The following NKAIN2 variants were observed in gnomAD, a reference collection of about 807,000 sequenced individuals.
The protein encoded by NKAIN2 is sodium/potassium transporting ATPase interacting 2.
NKAIN2 carries 14 observed loss-of-function variants against 32.6 expected under a neutral mutation model. The observed-to-expected ratio is 0.43, with a 90% confidence interval of 0.28 to 0.67. NKAIN2 has a LOEUF of 0.67. NKAIN2 is among the 30% of genes least tolerant of loss of function. The pLI is 0.17. For missense variants in NKAIN2, 198 were observed against 258.3 expected (o/e 0.77, Z 1.60); for synonymous variants, 80 against 87.2 (o/e 0.92, Z 0.46).
intron 1 of NKAIN2, among the ~76,000 whole-genome samples, chr6:123,980,742 A>G (rs981876136): frequency 6.6e-6 from 1 of 152,212 alleles, no homozygotes; most frequent in Non-Finnish European, 1.5e-5. Context: ...GATACTTAGT[A>G]GATACTTGTT....
At chr6:124,203,221 A>G (rs1342664099) in intron 1 of NKAIN2, among the ~76,000 whole-genome samples, 2 of 151,880 alleles carry the variant, frequency 1.3e-5, no homozygotes, top group African/African-American at 2.4e-5. Flanking sequence ...GTGCTAGAAC[A>G]TTATTTGTCA....
chr6:123,971,613 T>C (rs1017042640), intron 1 of NKAIN2, among the ~76,000 whole-genome samples: 1 of 152,132 alleles, frequency 6.6e-6, no homozygotes, highest in East Asian at 1.9e-4. Context: ...TAAAGTTATC[T>C]CCCTTAGGAA....
At chr6:123,935,048 ATATATAT>A (rs995802220) in intron 1 of NKAIN2, among the ~76,000 whole-genome samples, 1 of 147,464 alleles carries the variant, frequency 6.8e-6, no homozygotes, top group African/African-American at 2.5e-5. Flanking sequence ...TATAATTGAA[ATATATAT>A]TATATATATA....
At chr6:124,740,188 G>T (rs959436120) in intron 4 of NKAIN2, among the ~76,000 whole-genome samples, 3 of 151,554 alleles carry the variant, frequency 2.0e-5, no homozygotes, top group Admixed American at 1.3e-4. Context: ...TTTAAGTATG[G>T]TATTAACTAG....
chr6:124,600,525 C>T (rs144423265), intron 3 of NKAIN2, among the ~76,000 whole-genome samples: 6 of 151,990 alleles, frequency 3.9e-5, no homozygotes, highest in African/African-American at 9.7e-5. Context: ...TTCTTATATT[C>T]GCTTCTTTAT....
chr6:124,784,669 A>T (rs899221942), intron 4 of NKAIN2, among the ~76,000 whole-genome samples: 6 of 152,258 alleles, frequency 3.9e-5, no homozygotes, highest in Middle Eastern at 3.4e-3. Context: ...GGGCGTTATG[A>T]ATAGTGATGT....
rs1216484529 is a variant in NKAIN2, at chr6:124,177,773, ATTTTTTTTT to A, written c.55-105212_55-105204del. ...GGCGCAACGGAGTTTCTGTTCATCC[ATTTTTTTTT>A]TTTTTTTTTTTTTTTTTTTGAGACG... On this transcript the variant is annotated intron_variant, in intron 1 of 6. Coordinates refer to ENST00000368417, the MANE Select transcript of NKAIN2 (RefSeq NM_001040214.3). Among the ~76,000 whole-genome samples, 3 of 22,270 alleles carry A rather than the reference ATTTTTTTTT, an allele frequency of 1.3e-4. 1 individual carries two copies. The highest frequency in any genetic ancestry group is 4.1e-4 in the African/African-American group (3 of 7,400). 14.6% of individuals were successfully genotyped at this position (22,270 alleles called of 152,430 possible).
At chr6:123,905,197 A>G (rs778466948) in intron 1 of NKAIN2, among the ~76,000 whole-genome samples, 8 of 151,946 alleles carry the variant, frequency 5.3e-5, no homozygotes, top group Admixed American at 1.3e-4. Flanking sequence ...AAGACATGAT[A>G]CTCCTAGATC....
chr6:124,575,981 C>T (rs952435532), intron 3 of NKAIN2, among the ~76,000 whole-genome samples: 1 of 152,158 alleles, frequency 6.6e-6, no homozygotes, highest in African/African-American at 2.4e-5. Flanking sequence ...TAACACAAAT[C>T]AAGACAGTGG....
chr6:124,256,391 A>G (rs1369584416), intron 1 of NKAIN2, among the ~76,000 whole-genome samples: 3 of 152,218 alleles, frequency 2.0e-5, no homozygotes, highest in Non-Finnish European at 4.4e-5. Context: ...GATCAATTTT[A>G]AATTTAAGCA....
In NKAIN2 at chr6:124,405,682, ACCTTTTTTATTAT is replaced by A. The variant is rs1232339620; in HGVS notation, c.273+50339_273+50351del. Among the ~76,000 whole-genome samples the A allele has an allele frequency of 2.0e-5, 3 of 151,920 alleles. No homozygotes were observed. In the East Asian group the frequency reaches 5.8e-4, roughly 29 times the overall value. On this transcript the variant is annotated intron_variant, in intron 3 of 6. Transcript: ENST00000368417. ...GGCGTGAGCCACCGCACCCGGCAAA[ACCTTTTTTATTAT>A]CCTAAAATATTAGGAAACCCAAGTG...
rs912649477 is a variant in NKAIN2 at position 123,817,974 on chromosome 6, A to G, written c.54+13720A>G. Among the ~76,000 whole-genome samples, 8 of 152,244 alleles carry G rather than the reference A, an allele frequency of 5.3e-5. No homozygotes were observed. In the South Asian group the frequency reaches 6.2e-4, roughly 12 times the overall value. ...TTCAGTATTCTTGGCTGTTTTACTC[A>G]GTTTAGTTTGAGCCAGGTGGATTTT... On this transcript the variant is annotated intron_variant, in intron 1 of 6. Coordinates refer to ENST00000368417, the MANE Select transcript of NKAIN2 (RefSeq NM_001040214.3).
At chr6:124,083,470 T>G (rs1021558087) in intron 1 of NKAIN2, among the ~76,000 whole-genome samples, 6 of 151,882 alleles carry the variant, frequency 4.0e-5, no homozygotes, top group African/African-American at 1.4e-4. Flanking sequence ...ATAATGGCTG[T>G]TTTAGTTTTC....
intron 3 of NKAIN2, among the ~76,000 whole-genome samples, chr6:124,413,202 C>A (rs1774295956): frequency 6.6e-6 from 1 of 152,126 alleles, no homozygotes; most frequent in Admixed American, 6.5e-5. Flanking sequence ...GTCCGGCACT[C>A]CCCAGTGAGA....
intron 1 of NKAIN2, among the ~76,000 whole-genome samples, chr6:124,194,480 T>A (rs1380227509): frequency 5.9e-5 from 9 of 152,206 alleles, no homozygotes; most frequent in Admixed American, 5.9e-4. Context: ...GTTGATACAT[T>A]TATATTTAAT....
At chr6:124,701,926 T>G (rs533302288) in intron 4 of NKAIN2, among the ~76,000 whole-genome samples, 6 of 152,184 alleles carry the variant, frequency 3.9e-5, no homozygotes, top group African/African-American at 1.4e-4. Flanking sequence ...TGTCCCTCCA[T>G]CCCAGGTTGG....
intron 4 of NKAIN2, among the ~76,000 whole-genome samples, chr6:124,734,560 A>C (rs1776847407): frequency 6.6e-6 from 1 of 151,880 alleles, no homozygotes; most frequent in African/African-American, 2.4e-5. Context: ...GAAATCCTAT[A>C]AGCCAGGACA....
chr6:123,822,202 CTG>C (rs1387689977), intron 1 of NKAIN2, among the ~76,000 whole-genome samples: 2 of 151,902 alleles, frequency 1.3e-5, no homozygotes, highest in African/African-American at 4.8e-5. Context: ...ACTCGGATGA[CTG>C]TTAAAAAAAA....
intron 4 of NKAIN2, among the ~76,000 whole-genome samples, chr6:124,731,545 T>C (rs1776670714): frequency 8.5e-6 from 1 of 116,996 alleles, no homozygotes; most frequent in African/African-American, 3.4e-5. Flanking sequence ...AATATCACAC[T>C]CTGGGGACTG....
Sources: allele counts gnomAD v4.1 joint callset (sites outside exome capture counted in the v4.1 genomes callset), GRCh38; gene constraint gnomAD v4.1.1; transcripts MANE v1.5; gene names NCBI Gene and HGNC (gene_info 2026-07-23, HGNC 2026-07-21).